The following STOX1 variants were observed in gnomAD, a reference collection of about 807,000 sequenced individuals.
STOX1 encodes the protein storkhead box 1, also known as storkhead-box protein 1.
In STOX1, 57 loss-of-function variants were observed where a neutral mutation model predicts 74.8. The observed-to-expected ratio is 0.76, with a 90% CI of 0.62 to 0.95. STOX1 has a LOEUF of 0.95. Ranked by LOEUF, STOX1 falls within the 40% of genes least tolerant of loss-of-function variation. The pLI, the probability that STOX1 is intolerant of heterozygous loss-of-function variation, is 0.00. For missense variants in STOX1, 1,010 were observed against 1,117.0 expected (o/e 0.90, Z 1.37); for synonymous variants, 375 against 401.3 (o/e 0.93, Z 0.78).
At chr10:68,845,271 A>ATTTT (rs999265975) in intron 1 of STOX1, among the ~76,000 whole-genome samples, 3 of 121,926 alleles carry the variant, frequency 2.5e-5, no homozygotes, top group African/African-American at 6.3e-5. Flanking sequence ...CAGCTGGCTA[A>ATTTT]TTTTTTTTTT....
chr10:68,848,028 G>T (rs992637066), intron 1 of STOX1, among the ~76,000 whole-genome samples: 1 of 152,186 alleles, frequency 6.6e-6, no homozygotes. Context: ...ACTGTGCCTG[G>T]CCAATAGAAG....
At chr10:68,829,743 A>G (rs970821961) in intron 1 of STOX1, among the ~76,000 whole-genome samples, 1 of 151,878 alleles carries the variant, frequency 6.6e-6, no homozygotes, top group Non-Finnish European at 1.5e-5. Context: ...TCTTAAGCTC[A>G]AAAAAGAGCT....
At chr10:68,891,958 T>G (rs1841110069) in intron 3 of STOX1, among the ~76,000 whole-genome samples, 1 of 151,886 alleles carries the variant, frequency 6.6e-6, no homozygotes, top group African/African-American at 2.4e-5. Context: ...GTAGCTGAGA[T>G]TACAGGTGTG....
intron 1 of STOX1, among the ~76,000 whole-genome samples, chr10:68,862,349 A>C (rs749066318): frequency 1.8e-4 from 27 of 152,074 alleles, no homozygotes; most frequent in Non-Finnish European, 2.9e-4. Context: ...TTAGTATTAG[A>C]GGTCACACAA....
intron 3 of STOX1, among the ~76,000 whole-genome samples, chr10:68,891,747 G>A (rs1289665643): frequency 1.3e-5 from 2 of 151,590 alleles, no homozygotes; most frequent in African/African-American, 4.8e-5. Flanking sequence ...GGTTGCAGTG[G>A]GCCAAGACTG....
chr10:68,855,834 G>A (rs117002298), intron 1 of STOX1, among the ~76,000 whole-genome samples: 1,559 of 152,036 alleles, frequency 0.01, 20 homozygotes, highest in South Asian at 0.014. Flanking sequence ...TCCCAATTCA[G>A]CCCAAATAAT....
intron 1 of STOX1, among the ~76,000 whole-genome samples, chr10:68,880,676 T>C (rs1350838342): frequency 6.6e-6 from 1 of 152,102 alleles, no homozygotes; most frequent in East Asian, 1.9e-4. Flanking sequence ...TGTTTTTTGT[T>C]TTTTGTTTTT....
At position 68,858,966 on chromosome 10, in the gene STOX1, A is replaced by G. The variant is rs1049843643; in HGVS notation, c.311-22992A>G. Among the ~76,000 whole-genome samples, 38 of 152,170 alleles carry G rather than the reference A, an allele frequency of 2.5e-4. 1 individual carries two copies. The highest frequency in any genetic ancestry group is 9.2e-4 in the African/African-American group (38 of 41,450). ...CCCTATCCCAGCTCCTGTCACCACA[A>G]AGCCTGGGAGTGGGAGGCCTCTGCT... is the stretch of plus-strand genomic sequence containing the variant. On this transcript the variant is annotated intron_variant, in intron 1 of 3. Transcript: ENST00000298596.
intron 1 of STOX1, among the ~76,000 whole-genome samples, chr10:68,860,790 A>G (rs1167650246): frequency 1.3e-5 from 2 of 152,060 alleles, no homozygotes; most frequent in African/African-American, 4.8e-5. Flanking sequence ...CCACTGAGGT[A>G]TGCCTCTCAG....
intron 1 of STOX1, among the ~76,000 whole-genome samples, chr10:68,853,972 A>G (rs1589223637): frequency 6.7e-6 from 1 of 150,054 alleles, no homozygotes; most frequent in Non-Finnish European, 1.5e-5. Flanking sequence ...AGTGTGAGCC[A>G]CCGCGCCCAG....
chr10:68,886,069 A>G lies in STOX1; in HGVS notation c.2273A>G (p.Tyr758Cys). The change falls in exon 3 of 4, where the codon TAT becomes TGT. Residue 758 changes from tyrosine (Y) to cysteine (C), a missense_variant. Coordinates refer to ENST00000298596, the MANE Select transcript of STOX1 (RefSeq NM_152709.5). ...CAAATGCTGCCTGGCCACAGTCAGT[A>G]TTCCTTCACAGGTGGAAGCCAGGGA... The part of the protein sequence containing the change: ...LRQMLPGHSQ[Y>C]SFTGGSQGNH... The G allele has an allele frequency of 6.2e-7, 1 of 1,614,248 alleles. No individual in the cohort carries two copies. The highest frequency in any genetic ancestry group is 8.5e-7 in the Non-Finnish European group (1 of 1,180,042).
At chr10:68,843,361 A>G (rs1839743913) in intron 1 of STOX1, among the ~76,000 whole-genome samples, 4 of 152,148 alleles carry the variant, frequency 2.6e-5, no homozygotes, top group African/African-American at 9.7e-5. Flanking sequence ...ATAGAACTAT[A>G]ATAACATTCA....
intron 3 of STOX1, among the ~76,000 whole-genome samples, chr10:68,889,397 C>T (rs1435630442): frequency 1.3e-5 from 2 of 152,200 alleles, no homozygotes; most frequent in Non-Finnish European, 1.5e-5. Flanking sequence ...TGGATTCAAC[C>T]ATCCTCTTGC....
rs528036702 is a variant in STOX1 at position 68,836,554 on chromosome 10, C to T, written c.310+8621C>T. 5.3e-5 allele frequency among the ~76,000 whole-genome samples: 8 copies of T among 152,348 alleles called. No individual in the cohort carries two copies. In the South Asian group the frequency reaches 6.2e-4, roughly 12 times the overall value. ...TTGTGCTTAGTGCTGGTCACGTCCACAGCCGTGTGTTGTCCTGTGCCTCAG... is the reference window on the plus strand; with the variant it reads ...TTGTGCTTAGTGCTGGTCACGTCCATAGCCGTGTGTTGTCCTGTGCCTCAG... On this transcript the variant is annotated intron_variant, in intron 1 of 3. Coordinates refer to ENST00000298596, the MANE Select transcript of STOX1 (RefSeq NM_152709.5).
chr10:68,856,163 G>A (rs1444610191), intron 1 of STOX1, among the ~76,000 whole-genome samples: 1 of 152,098 alleles, frequency 6.6e-6, no homozygotes. Flanking sequence ...TTCAGCTAAA[G>A]ACGGGTCACG....
At chr10:68,858,424 G>A (rs1201388681) in intron 1 of STOX1, among the ~76,000 whole-genome samples, 2 of 152,092 alleles carry the variant, frequency 1.3e-5, no homozygotes, top group Non-Finnish European at 2.9e-5. Flanking sequence ...CCTTCCTTCT[G>A]TGCTGAAGAA....
chr10:68,854,026 A>C (rs1417071815), intron 1 of STOX1, among the ~76,000 whole-genome samples: 6 of 131,078 alleles, frequency 4.6e-5, no homozygotes, highest in Admixed American at 1.6e-4. Context: ...ACAGAGTTTC[A>C]CTCTTGTTGC....
Position 68,885,963 on chromosome 10 carries a change from A to G in STOX1, c.2167A>G (p.Asn723Asp). The G allele has an allele frequency of 6.2e-7, 1 of 1,614,202 alleles. No individual in the cohort carries two copies. Among genetic ancestry groups the G allele is most frequent in the Non-Finnish European group, 8.5e-7 (1 of 1,180,050 alleles). ...TAACGATGACCAGGCCTTGTATCAG[A>G]ATGAAGTGGAAGATGATGATGGTGC... ...LSNDDQALYQ[N>D]EVEDDDGACS... Residue 723 changes from asparagine to aspartate, a missense_variant, in exon 3 of 4, where the codon AAT (asparagine) becomes GAT (aspartate). Asn to Asp is a conservative substitution (Grantham distance 23). Transcript: ENST00000298596.
chr10:68,838,761 T>C (rs1033667503), intron 1 of STOX1, among the ~76,000 whole-genome samples: 8 of 151,950 alleles, frequency 5.3e-5, no homozygotes, highest in African/African-American at 1.9e-4. Context: ...ATACAAAAAA[T>C]TAGCCAGGTG....
Sources: allele counts gnomAD v4.1 joint callset (sites outside exome capture counted in the v4.1 genomes callset), GRCh38; gene constraint gnomAD v4.1.1; transcripts MANE v1.5; gene names NCBI Gene and HGNC (gene_info 2026-07-23, HGNC 2026-07-21).